The following DSE variants were observed in gnomAD, a reference collection of about 807,000 sequenced individuals.
The protein encoded by DSE is dermatan sulfate epimerase, also known as dermatan-sulfate epimerase.
Under a neutral mutation model 84.4 loss-of-function variants are expected in DSE, and 36 were observed. The ratio of observed to expected loss-of-function variants is 0.43; its 90% confidence interval spans 0.33 to 0.56. The LOEUF (loss-of-function observed/expected upper bound fraction) is 0.56. DSE is among the 20% of genes least tolerant of loss of function. The pLI is 0.06. For synonymous variants in DSE, 410 were observed against 430.1 expected (o/e 0.95, Z 0.58); for missense variants, 862 against 1,169.6 (o/e 0.74, Z 3.84).
chr6:116,422,307 A>G (rs1372684512), intron 2 of DSE, among the ~76,000 whole-genome samples: 2 of 152,234 alleles, frequency 1.3e-5, no homozygotes, highest in African/African-American at 2.4e-5. Flanking sequence ...AAATTTTCCA[A>G]AATTCTTATT....
chr6:116,363,109 T>C (rs1251581417), intron 2 of DSE, among the ~76,000 whole-genome samples: 1 of 152,198 alleles, frequency 6.6e-6, no homozygotes, highest in Non-Finnish European at 1.5e-5. Context: ...TTCAGGCAGA[T>C]TCATTTAAAG....
intron 2 of DSE, among the ~76,000 whole-genome samples, chr6:116,324,108 C>T (rs1451054443): frequency 6.6e-6 from 1 of 152,204 alleles, no homozygotes; most frequent in African/African-American, 2.4e-5. Flanking sequence ...TTACCCCTCA[C>T]CCCAGGCTCC....
At chr6:116,330,158 A>C (rs1415520494) in intron 2 of DSE, among the ~76,000 whole-genome samples, 3 of 152,112 alleles carry the variant, frequency 2.0e-5, no homozygotes, top group Admixed American at 2.0e-4. Flanking sequence ...TTAAACCTTA[A>C]CTTTTTGCAT....
At position 116,437,420 on chromosome 6, in the gene DSE, GAT is replaced by G. The variant is rs1784256931; in HGVS notation, c.*76_*77del. ...CAAAAAAAAAAATTTCTTTACCCCA[GAT>G]TATCAGATTTTTTTCCCTCAGATTC... On this transcript the variant is annotated 3_prime_UTR_variant, in exon 6 of 6. Transcript: ENST00000644252. 1.5e-6 allele frequency: 2 copies of G among 1,322,190 alleles called. No individual in the cohort carries two copies. The highest frequency in any genetic ancestry group is 3.5e-5 in the South Asian group (2 of 56,416). 81.9% of individuals were successfully genotyped at this position (1,322,190 alleles called of 1,614,324 possible).
intron 2 of DSE, among the ~76,000 whole-genome samples, chr6:116,289,628 TA>T (rs745710154): frequency 1.3e-5 from 2 of 151,690 alleles, no homozygotes; most frequent in Non-Finnish European, 2.9e-5. Context: ...ACCTTCATGA[TA>T]AAAAAAATAA....
chr6:116,267,132 CAT>C (rs1772660094), intron 2 of DSE, among the ~76,000 whole-genome samples: 2 of 152,172 alleles, frequency 1.3e-5, no homozygotes, highest in South Asian at 4.1e-4. Flanking sequence ...CTTGATAAAA[CAT>C]AAATGACTAT....
intron 2 of DSE, among the ~76,000 whole-genome samples, chr6:116,264,957 G>A (rs1554204524): frequency 6.6e-6 from 1 of 152,092 alleles, no homozygotes; most frequent in Non-Finnish European, 1.5e-5. Flanking sequence ...TGGGGGAACT[G>A]AGGTGCTCCC....
intron 2 of DSE, among the ~76,000 whole-genome samples, chr6:116,333,264 T>A (rs572620513): frequency 6.4e-4 from 97 of 152,306 alleles, no homozygotes; most frequent in Non-Finnish European, 1.1e-3. Context: ...AAGAGATTTA[T>A]TTGGCTCATG....
intron 2 of DSE, among the ~76,000 whole-genome samples, chr6:116,303,433 G>A (rs1476859924): frequency 2.6e-5 from 4 of 152,154 alleles, no homozygotes; most frequent in Non-Finnish European, 5.9e-5. Context: ...CACTAAATAT[G>A]TCTGTTAATT....
At chr6:116,361,897 G>A (rs147205831) in intron 2 of DSE, among the ~76,000 whole-genome samples, 2,743 of 152,242 alleles carry the variant, frequency 0.018, 45 homozygotes, top group Non-Finnish European at 0.028. Context: ...AACGTGAGTC[G>A]TATCTGAAGC....
intron 2 of DSE, chr6:116,278,182 A>C: frequency 3.1e-6 from 1 of 322,494 alleles, no homozygotes; most frequent in Non-Finnish European, 6.0e-6. Context: ...GACAGCAACC[A>C]GTTCAGAGGC....
At chr6:116,433,899 C>T (rs1358259870) in intron 5 of DSE, among the ~76,000 whole-genome samples, 1 of 152,130 alleles carries the variant, frequency 6.6e-6, no homozygotes, top group Non-Finnish European at 1.5e-5. Context: ...CTGTCCTACA[C>T]TTGCACTATT....
chr6:116,441,993 A>C lies in DSE; in HGVS notation c.*4648A>C, dbSNP rs904661645. The C allele has an allele frequency of 6.6e-6, 1 of 152,336 alleles. No individual in the cohort carries two copies. Among genetic ancestry groups the C allele is most frequent in the Non-Finnish European group, 1.5e-5 (1 of 68,094 alleles). 9.4% of individuals were successfully genotyped at this position (152,336 alleles called of 1,614,324 possible). ...CAAGTAGTGGTAAGTACTGTGGAGAATAAAGCAAGGGGAGGGGATGTAAGG... is the reference window on the plus strand; with the variant it reads ...CAAGTAGTGGTAAGTACTGTGGAGACTAAAGCAAGGGGAGGGGATGTAAGG... On this transcript the variant is annotated 3_prime_UTR_variant, in exon 6 of 6. Transcript: ENST00000644252.
At chr6:116,413,541 A>G (rs78112307) in intron 2 of DSE, among the ~76,000 whole-genome samples, 1,724 of 152,306 alleles carry the variant, frequency 0.011, 42 homozygotes, top group African/African-American at 0.038. Flanking sequence ...GTGATTAATG[A>G]TTATATGTCA....
At chr6:116,379,781 A>C (rs536906423) in intron 1 of DSE, among the ~76,000 whole-genome samples, 2 of 152,296 alleles carry the variant, frequency 1.3e-5, no homozygotes, top group South Asian at 4.1e-4. Flanking sequence ...ATGTCATTTG[A>C]ATGTCTGCTG....
At chr6:116,331,456 C>T (rs1020514067) in intron 2 of DSE, among the ~76,000 whole-genome samples, 14 of 152,140 alleles carry the variant, frequency 9.2e-5, no homozygotes, top group Non-Finnish European at 2.1e-4. Context: ...AAGTCACTCA[C>T]TATCATGAGA....
intron 3 of DSE, 97 bp downstream of exon 3, chr6:116,426,924 T>TTCA: frequency 1.4e-6 from 2 of 1,467,214 alleles, no homozygotes; most frequent in South Asian, 2.7e-5. Flanking sequence ...TTAGTACATG[T>TTCA]TCATACTTGG....
At position 116,278,015 on chromosome 6, in the gene DSE, G is replaced by C. The variant is rs557460795; in HGVS notation, c.-54+19048G>C. 3.8e-5 allele frequency: 6 copies of C among 156,814 alleles called. No homozygotes were observed. The East Asian group carries it at 1.1e-3, about 30-fold the overall frequency. 9.7% of individuals were successfully genotyped at this position (156,814 alleles called of 1,614,324 possible). A position where few individuals can be genotyped will look rare whatever the true frequency, so the allele number is the denominator to read the frequency against. ...TAGAAAGTGACTAGAGGTGAAGGAAGAGCAATGAAGTACCATAAATCACAC... is the reference window on the plus strand; with the variant it reads ...TAGAAAGTGACTAGAGGTGAAGGAACAGCAATGAAGTACCATAAATCACAC... On this transcript the variant is annotated intron_variant, in intron 2 of 3. Transcript: ENST00000430252.
chr6:116,377,808 C>G (rs756063585), intron 1 of DSE, among the ~76,000 whole-genome samples: 1 of 152,180 alleles, frequency 6.6e-6, no homozygotes, highest in Non-Finnish European at 1.5e-5. Flanking sequence ...CCTTGTTTAC[C>G]TTCTAGACAG....
Sources: gnomAD v4.1 joint callset for allele counts (sites outside exome capture counted in the v4.1 genomes callset) on GRCh38, gnomAD v4.1.1 for gene constraint, MANE v1.5 for transcripts, NCBI Gene and HGNC (gene_info 2026-07-23, HGNC 2026-07-21) for gene names.